DOCK9: variants seen among roughly 807,000 people sequenced by gnomAD.
DOCK9 encodes dedicator of cytokinesis protein 9.
A neutral mutation model predicts 263.3 loss-of-function variants in DOCK9; 89 were observed. The observed-to-expected ratio is 0.34, with a 90% CI of 0.28 to 0.40. DOCK9 has a LOEUF of 0.40. Among genes scored for constraint, DOCK9 ranks in the 10% least tolerant of loss-of-function variants. The probability of loss-of-function intolerance (pLI) is 1.00; values close to 1 mark genes in which losing one functional copy is unlikely to be tolerated. For synonymous variants in DOCK9, 976 were observed against 973.1 expected, an observed-to-expected ratio of 1.00 and a Z score of -0.06; for missense variants, 2,140 against 2,603.4, an observed-to-expected ratio of 0.82 and a Z score of 3.87.
At chr13:98,977,693 A>G in intron 1 of DOCK9, 91 bp downstream of exon 1, 2 of 1,279,714 alleles carry the variant, frequency 1.6e-6, no homozygotes, top group South Asian at 3.3e-5. Flanking sequence ...TTGAAATCAA[A>G]GACAGGCAAC....
chr13:98,794,451 C>A lies in DOCK9; in HGVS notation c.*175G>T. The A allele has an allele frequency of 5.9e-6, 4 of 676,840 alleles. No homozygotes were observed. In the South Asian group the frequency reaches 6.7e-5, roughly 11 times the overall value. The allele number at this position is 676,840 out of a possible 1,614,324, so 41.9% of individuals were successfully genotyped here. A position where few individuals can be genotyped will look rare whatever the true frequency, so the allele number is the denominator to read the frequency against. ...AGTGAGATTTAAAAAAATATGTGCA[C>A]CTTCTTACAACTCCTATAGAAAGTC... On this transcript the variant is annotated 3_prime_UTR_variant, in exon 53 of 53. Transcript: ENST00000682017.
At chr13:99,002,883 C>G (rs1882641121) in intron 1 of DOCK9, among the ~76,000 whole-genome samples, 1 of 152,168 alleles carries the variant, frequency 6.6e-6, no homozygotes, top group African/African-American at 2.4e-5. Context: ...TTCTTTGTTC[C>G]TTGGCTTCCT....
At chr13:99,001,239 TCTA>T (rs547551436) in intron 1 of DOCK9, among the ~76,000 whole-genome samples, 119 of 152,368 alleles carry the variant, frequency 7.8e-4, no homozygotes, top group Non-Finnish European at 8.5e-4. Flanking sequence ...ACTTGTAATC[TCTA>T]TTCAGAAACC....
intron 39 of DOCK9, among the ~76,000 whole-genome samples, chr13:98,834,995 G>A (rs1252127821): frequency 1.3e-5 from 2 of 152,164 alleles, no homozygotes; most frequent in African/African-American, 2.4e-5. Flanking sequence ...TCCCAGCCAC[G>A]ACTTCCTCAT....
At chr13:99,038,288 C>CTTTTTTTT (rs71419743) in intron 1 of DOCK9, among the ~76,000 whole-genome samples, 13 of 86,260 alleles carry the variant, frequency 1.5e-4, no homozygotes, top group Non-Finnish European at 2.4e-4. Flanking sequence ...TTATGCCCCC[C>CTTTTTTTT]TTTTTTTTTT....
At chr13:98,889,656 C>T (rs2046318968) in intron 15 of DOCK9, among the ~76,000 whole-genome samples, 2 of 152,184 alleles carry the variant, frequency 1.3e-5, no homozygotes, top group Non-Finnish European at 2.9e-5. Context: ...TAGTGAAATT[C>T]ACCTCCCTGA....
rs2092660572 is a variant in DOCK9, at chr13:98,829,083, C to T, written c.4965+224G>A. On this transcript the variant is annotated intron_variant, in intron 43 of 52. Coordinates refer to ENST00000682017, the MANE Select transcript of DOCK9 (RefSeq NM_001366683.2). This position sits in a 1 kb window ranked among gnomAD's most constrained non-coding sequence, Gnocchi z 4.1. ...GTATGAATAGGTTTAAGAGCTTAAA[C>T]AATGCTCTTTGTTGACAAAAATAAC... 6.6e-6 allele frequency among the ~76,000 whole-genome samples: 1 copy of T among 152,180 alleles called. No individual in the cohort carries two copies. The highest frequency in any genetic ancestry group is 2.4e-5 in the African/African-American group (1 of 41,448).
intron 9 of DOCK9, 84 bp downstream of exon 9, chr13:98,914,244 C>T (rs2050525005): frequency 1.7e-6 from 2 of 1,185,084 alleles, no homozygotes; most frequent in African/African-American, 1.5e-5. Flanking sequence ...ATGATTTCAA[C>T]AGATTCCATT....
At chr13:98,950,124 T>A in intron 2 of DOCK9, 1 of 552,854 alleles carries the variant, frequency 1.8e-6, no homozygotes, top group Non-Finnish European at 3.2e-6. Flanking sequence ...TCAGGCAAAG[T>A]CTTGCAATGG....
chr13:98,869,002 G>T (rs1480188259), intron 27 of DOCK9, among the ~76,000 whole-genome samples: 1 of 152,236 alleles, frequency 6.6e-6, no homozygotes, highest in African/African-American at 2.4e-5. Flanking sequence ...GCAGGGAGAA[G>T]GGGCAAGAAC....
intron 2 of DOCK9, among the ~76,000 whole-genome samples, chr13:98,939,135 C>T (rs1368719427): frequency 2.0e-5 from 3 of 152,218 alleles, no homozygotes; most frequent in Admixed American, 6.5e-5. Context: ...GAGACCACAG[C>T]GCTCCAACTG....
chr13:98,845,588 C>T (rs2093364247), intron 38 of DOCK9, among the ~76,000 whole-genome samples: 3 of 152,192 alleles, frequency 2.0e-5, no homozygotes, highest in Admixed American at 6.5e-5. Context: ...GGAAAGCCAA[C>T]ATTAAGTCGG....
chr13:98,933,805 G>T (rs879716564), intron 2 of DOCK9, among the ~76,000 whole-genome samples: 1 of 152,136 alleles, frequency 6.6e-6, no homozygotes, highest in Non-Finnish European at 1.5e-5. Context: ...CCTGAATCTG[G>T]GCTGGCTTTC....
chr13:98,850,122 TA>T lies in DOCK9; in HGVS notation c.3947-10del. ...ATATGTAAACAAAGCATCTAGAAAA[TA>T]AACATTTACTTAGAATCACAATACA... On this transcript the variant is annotated splice_polypyrimidine_tract_variant and intron_variant, in intron 35 of 52. Transcript: ENST00000682017. The T allele has an allele frequency of 6.7e-7, 1 of 1,486,706 alleles. No individual in the cohort carries two copies. The highest frequency in any genetic ancestry group is 9.0e-7 in the Non-Finnish European group (1 of 1,112,136). 92.1% of individuals were successfully genotyped at this position (1,486,706 alleles called of 1,614,324 possible).
rs575027524 is a variant in DOCK9 at position 98,818,278 on chromosome 13, C to T, written c.5130+6120G>A. Among the ~76,000 whole-genome samples the T allele has an allele frequency of 9.2e-5, 14 of 152,234 alleles. No individual in the cohort carries two copies. In the South Asian group the frequency reaches 1.7e-3, roughly 18 times the overall value. ...TGAATAGAAATAACTGGTAATCAAC[C>T]GGCAGTTCAGTTTGAGAGACCATAC... On this transcript the variant is annotated intron_variant, in intron 45 of 52. Transcript: ENST00000682017.
intron 1 of DOCK9, among the ~76,000 whole-genome samples, chr13:98,976,076 T>C (rs947387219): frequency 1.3e-5 from 2 of 152,212 alleles, no homozygotes; most frequent in East Asian, 1.9e-4. Context: ...GCTCTTCTTA[T>C]CTTGTTTACC....
chr13:98,991,198 A>C (rs1326936173), intron 1 of DOCK9, among the ~76,000 whole-genome samples: 1 of 151,868 alleles, frequency 6.6e-6, no homozygotes, highest in Non-Finnish European at 1.5e-5. Context: ...CAGCCTCCCC[A>C]GTAGCTAAGA....
intron 25 of DOCK9, 37 bp from the exon 26 acceptor site, chr13:98,880,709 C>T (rs1442754249): frequency 1.2e-6 from 2 of 1,604,866 alleles, no homozygotes; most frequent in African/African-American, 2.7e-5. Flanking sequence ...AATGCACTGG[C>T]TCTCCAATGT....
In DOCK9 at chr13:98,996,463, A is replaced by G. The variant is rs572575772; in HGVS notation, c.130-40912T>C. Among the ~76,000 whole-genome samples, 7 of 152,348 alleles carry G rather than the reference A, an allele frequency of 4.6e-5. No homozygotes were observed. The East Asian group carries it at 1.3e-3, about 29-fold the overall frequency. On this transcript the variant is annotated intron_variant, in intron 1 of 32. Transcript: ENST00000427887. ...TATAACTAACTCTTCACAAATGTATATTTCACATTCCAACTGGACTGTGCC... is the reference window on the plus strand; with the variant it reads ...TATAACTAACTCTTCACAAATGTATGTTTCACATTCCAACTGGACTGTGCC...
Sources: gnomAD v4.1 joint callset for allele counts (sites outside exome capture counted in the v4.1 genomes callset) on GRCh38, gnomAD v4.1.1 for gene constraint, Gnocchi (gnomAD v3.1) non-coding constraint, MANE v1.5 for transcripts, NCBI Gene and HGNC (gene_info 2026-07-23, HGNC 2026-07-21) for gene names.